Variants in CPNE5 observed in about 807,000 individuals in gnomAD.
CPNE5 encodes the protein copine-5.
A neutral mutation model predicts 81.1 loss-of-function variants in CPNE5; 42 were observed. That is an observed-to-expected ratio of 0.52 (90% CI 0.40 to 0.67). The LOEUF (loss-of-function observed/expected upper bound fraction) is 0.67. Among genes scored for constraint, CPNE5 ranks in the 30% least tolerant of loss-of-function variants. CPNE5 has a pLI of 0.00. For synonymous variants in CPNE5, 313 were observed against 321.5 expected (o/e 0.97, Z 0.28); for missense variants, 612 against 815.5 (o/e 0.75, Z 3.04).
chr6:36,839,248 C>G lies in CPNE5; in HGVS notation c.95+35G>C, dbSNP rs1209728090. The G allele has an allele frequency of 2.1e-6, 3 of 1,462,852 alleles. No individual in the cohort carries two copies. The South Asian group carries it at 3.9e-5, about 19-fold the overall frequency. 90.6% of individuals were successfully genotyped at this position (1,462,852 alleles called of 1,614,324 possible). On this transcript the variant is annotated intron_variant, in intron 1 of 20. Transcript: ENST00000244751. This position sits in a 1 kb window ranked among gnomAD's most constrained non-coding sequence, Gnocchi z 7.3. Reference sequence around the variant, plus strand: ...GGGCCGCGGGGCTCTGCGTCCAGGGCCGGGGCAAGGGGACCCGGCCAGCGG... The same window carrying G: ...GGGCCGCGGGGCTCTGCGTCCAGGGGCGGGGCAAGGGGACCCGGCCAGCGG...
chr6:36,833,690 C>T (rs538181232), intron 1 of CPNE5, among the ~76,000 whole-genome samples: 1 of 152,244 alleles, frequency 6.6e-6, no homozygotes, highest in African/African-American at 2.4e-5. Flanking sequence ...AATTCTGCCA[C>T]CCACCGGTGA....
At chr6:36,768,220 C>T (rs1234285248) in intron 10 of CPNE5, among the ~76,000 whole-genome samples, 1 of 67,016 alleles carries the variant, frequency 1.5e-5, no homozygotes, top group African/African-American at 4.7e-5. Context: ...ACTCTATTCA[C>T]AGTTCTTTTT....
At chr6:36,802,092 G>A (rs750094727) in intron 3 of CPNE5, among the ~76,000 whole-genome samples, 4 of 151,884 alleles carry the variant, frequency 2.6e-5, no homozygotes, top group Admixed American at 1.3e-4. Flanking sequence ...GTTGGCACAC[G>A]CCTGTAGACC....
At chr6:36,743,833 ACTT>A in intron 19 of CPNE5, 71 bp from the exon 20 acceptor site, 1 of 1,351,988 alleles carries the variant, frequency 7.4e-7, no homozygotes, top group Non-Finnish European at 1.0e-6. Flanking sequence ...AGGAGAGTGG[ACTT>A]GTCCTTTCAT....
chr6:36,807,545 C>A (rs11753237), intron 3 of CPNE5, among the ~76,000 whole-genome samples: 4,108 of 152,284 alleles, frequency 0.027, 83 homozygotes, highest in Non-Finnish European at 0.039. Flanking sequence ...ATCTCCCAAG[C>A]CTTTAAACTC....
chr6:36,783,597 G>A (rs1024870086), intron 8 of CPNE5, among the ~76,000 whole-genome samples: 1 of 152,058 alleles, frequency 6.6e-6, no homozygotes, highest in Non-Finnish European at 1.5e-5. Flanking sequence ...TCAACCTCCT[G>A]GGCTCAAGCA....
At chr6:36,830,487 G>A (rs145670318) in intron 1 of CPNE5, among the ~76,000 whole-genome samples, 506 of 152,254 alleles carry the variant, frequency 3.3e-3, no homozygotes, top group Admixed American at 5.9e-3. Context: ...TTCAGATCCT[G>A]TTCTCACCCG....
intron 3 of CPNE5, among the ~76,000 whole-genome samples, chr6:36,808,865 T>C (rs962677504): frequency 5.3e-5 from 8 of 152,202 alleles, no homozygotes; most frequent in Non-Finnish European, 1.0e-4. Context: ...CTCAGAGAGA[T>C]TGAGAGACTT....
chr6:36,743,017 G>C (rs1037768589), intron 20 of CPNE5: 2 of 985,290 alleles, frequency 2.0e-6, no homozygotes, highest in Non-Finnish European at 1.2e-6. Context: ...CTTAGCATGG[G>C]CCGGTCCCAC....
chr6:36,742,430 G>A lies in CPNE5; in HGVS notation c.1620C>T (p.Ala540=). 2.5e-6 allele frequency: 4 copies of A among 1,613,628 alleles called. No individual in the cohort carries two copies. Among genetic ancestry groups the A allele is most frequent in the Non-Finnish European group, 3.4e-6 (4 of 1,180,008 alleles). ...CTGCCAGCACGTCTCGGGCCAGGCG[G>A]GCCATGCTCAGCACGTGGTTGCCTG... The part of the protein sequence containing the change: ...DRTGNHVLSM[A]RLARDVLAEI... Residue 540 remains alanine (A), a synonymous_variant, in exon 21 of 21, where the codon GCC becomes GCT. Transcript: ENST00000244751.
chr6:36,839,775 T>C (rs1246922669), upstream of CPNE5: 1 of 145,130 alleles, frequency 6.9e-6, no homozygotes, highest in Admixed American at 7.1e-5. This position sits in a 1 kb window ranked among gnomAD's most constrained non-coding sequence, Gnocchi z 7.3. Flanking sequence ...GTAGAGGGGA[T>C]GCAGAAGACA....
chr6:36,811,714 T>C (rs1419987123), intron 3 of CPNE5, among the ~76,000 whole-genome samples: 1 of 152,060 alleles, frequency 6.6e-6, no homozygotes, highest in Admixed American at 6.6e-5. Context: ...ACAGAAATAA[T>C]GAACACCTCT....
intron 3 of CPNE5, among the ~76,000 whole-genome samples, chr6:36,817,468 C>CA (rs1162416701): frequency 6.6e-6 from 1 of 152,190 alleles, no homozygotes; most frequent in Non-Finnish European, 1.5e-5. Context: ...TCCTTGATCT[C>CA]TACGGACCCT....
intron 3 of CPNE5, among the ~76,000 whole-genome samples, chr6:36,814,208 T>G (rs1309030006): frequency 1.3e-5 from 2 of 152,092 alleles, no homozygotes; most frequent in Non-Finnish European, 2.9e-5. Flanking sequence ...CTGAAGTCAA[T>G]CTGGGAAAAG....
At chr6:36,791,909 A>T in intron 8 of CPNE5, 124 bp downstream of exon 8, 1 of 831,806 alleles carries the variant, frequency 1.2e-6, no homozygotes, top group Non-Finnish European at 2.0e-6. Flanking sequence ...AAATTCTATG[A>T]CAGCCAGGTC....
intron 8 of CPNE5, among the ~76,000 whole-genome samples, chr6:36,789,659 G>A (rs1319284937): frequency 6.6e-6 from 1 of 152,200 alleles, no homozygotes; most frequent in African/African-American, 2.4e-5. Context: ...GTTCCACAGG[G>A]CAACCGAATT....
At chr6:36,779,022 C>T (rs1021000316) in intron 8 of CPNE5, 65 bp from the exon 9 acceptor site, 14 of 1,134,688 alleles carry the variant, frequency 1.2e-5, no homozygotes, top group South Asian at 7.6e-5. Context: ...TCCCAGACCC[C>T]GGCAAGCATG....
chr6:36,826,083 C>A (rs72846019), intron 1 of CPNE5, among the ~76,000 whole-genome samples: 17,109 of 152,100 alleles, frequency 0.11, 1,285 homozygotes, highest in Admixed American at 0.15. Flanking sequence ...CGGATCTGGT[C>A]ATATCCAGGC....
At chr6:36,801,165 A>G (rs1357074089) in intron 3 of CPNE5, among the ~76,000 whole-genome samples, 2 of 152,234 alleles carry the variant, frequency 1.3e-5, no homozygotes, top group East Asian at 3.8e-4. Flanking sequence ...CTAGAATTTT[A>G]TACATAATAG....
Sources: allele counts gnomAD v4.1 joint callset (sites outside exome capture counted in the v4.1 genomes callset), GRCh38; gene constraint gnomAD v4.1.1; non-coding constraint Gnocchi (gnomAD v3.1); transcripts MANE v1.5; gene names NCBI Gene and HGNC (gene_info 2026-07-23, HGNC 2026-07-21).